ANKHD1: variants seen among roughly 807,000 people sequenced by gnomAD.
ANKHD1 encodes the protein ankyrin repeat and KH domain containing 1.
A neutral mutation model predicts 230.5 loss-of-function variants in ANKHD1; 31 were observed. That is an observed-to-expected ratio of 0.13 (90% CI 0.10 to 0.18). The LOEUF (loss-of-function observed/expected upper bound fraction) is 0.18, where lower values mean the gene tolerates loss of function less well. Ranked by LOEUF, ANKHD1 falls within the 10% of genes least tolerant of loss-of-function variation. ANKHD1 has a pLI of 1.00. For synonymous variants in ANKHD1, 1,074 were observed against 1,117.6 expected (o/e 0.96, Z 0.78); for missense variants, 2,256 against 3,071.3 (o/e 0.73, Z 6.27).
rs565638497 is a variant in ANKHD1 at position 140,451,991 on chromosome 5, T to C, written c.1242+2686T>C. Among the ~76,000 whole-genome samples the C allele has an allele frequency of 4.6e-5, 7 of 152,258 alleles. No individual in the cohort carries two copies. In the East Asian group the frequency reaches 1.4e-3, roughly 29 times the overall value. On this transcript the variant is annotated intron_variant, in intron 7 of 33. Transcript: ENST00000360839. ...GATGGCCAAATAGGAACAGCTCCAG[T>C]CTACAGCTCCCAGCATGAGCGACGC...
intron 20 of ANKHD1, among the ~76,000 whole-genome samples, chr5:140,508,918 C>T (rs1250227141): frequency 2.0e-5 from 3 of 151,984 alleles, no homozygotes; most frequent in South Asian, 2.1e-4. Context: ...TCTGGAAAGA[C>T]GTAGGTTGGG....
chr5:140,444,087 CCCCT>C (rs1264235705), intron 5 of ANKHD1, among the ~76,000 whole-genome samples: 1 of 145,414 alleles, frequency 6.9e-6, no homozygotes, highest in Non-Finnish European at 1.5e-5. Context: ...AGTCCCCCCC[CCCCT>C]TTTTTTTTTT....
intron 1 of ANKHD1, among the ~76,000 whole-genome samples, chr5:140,420,270 A>G (rs532858733): frequency 2.6e-5 from 4 of 151,878 alleles, no homozygotes; most frequent in African/African-American, 9.7e-5. Flanking sequence ...GATTATATGC[A>G]TGAGCCACCA....
At chr5:140,467,972 C>G (rs972360977) in intron 10 of ANKHD1, among the ~76,000 whole-genome samples, 2 of 151,362 alleles carry the variant, frequency 1.3e-5, no homozygotes, top group African/African-American at 4.9e-5. Flanking sequence ...TGTCCATCCC[C>G]CATTGCATGC....
intron 9 of ANKHD1, among the ~76,000 whole-genome samples, chr5:140,460,043 A>G (rs1335036891): frequency 2.0e-5 from 3 of 152,090 alleles, no homozygotes; most frequent in Non-Finnish European, 4.4e-5. Context: ...GTTAGTTTCT[A>G]CTAGTCTCTG....
intron 15 of ANKHD1, among the ~76,000 whole-genome samples, chr5:140,498,774 C>T (rs1752147454): frequency 1.3e-5 from 2 of 151,602 alleles, no homozygotes; most frequent in Admixed American, 6.6e-5. Flanking sequence ...TGTTCTGTAA[C>T]TAGCATTATA....
chr5:140,442,582 A>G lies in ANKHD1; in HGVS notation c.913+1440A>G, dbSNP rs562197397. 4.6e-5 allele frequency among the ~76,000 whole-genome samples: 7 copies of G among 152,314 alleles called. No individual in the cohort carries two copies. The South Asian group carries it at 1.2e-3, about 27-fold the overall frequency. On this transcript the variant is annotated intron_variant, in intron 5 of 33. Coordinates refer to ENST00000360839, the MANE Select transcript of ANKHD1 (RefSeq NM_017747.3). The stretch of plus-strand genomic sequence containing the variant: ...CCCTTGAAAGTGGCTCCCTGTATTA[A>G]TTAAATACAGAAAATATCTCTTATA...
intron 10 of ANKHD1, among the ~76,000 whole-genome samples, chr5:140,480,435 C>A (rs1029396778): frequency 8.6e-5 from 13 of 151,986 alleles, no homozygotes; most frequent in African/African-American, 2.7e-4. Flanking sequence ...GCTTTGAAAT[C>A]ATTTTTCATG....
intron 1 of ANKHD1, 55 bp from the exon 2 acceptor site, chr5:140,436,049 T>C: frequency 2.9e-6 from 4 of 1,396,606 alleles, no homozygotes; most frequent in Non-Finnish European, 2.8e-6. Context: ...ATTGTAGTTA[T>C]TCTAATCATA....
chr5:140,460,244 G>C (rs1775606726), intron 9 of ANKHD1, among the ~76,000 whole-genome samples: 1 of 151,658 alleles, frequency 6.6e-6, no homozygotes, highest in Non-Finnish European at 1.5e-5. Flanking sequence ...CTTTTACATA[G>C]AATATTTGTA....
rs1435645914 is a variant in ANKHD1 at position 140,535,501 on chromosome 5, T to C, written c.6990T>C (p.His2330=). 1.2e-6 allele frequency: 2 copies of C among 1,611,878 alleles called. No homozygotes were observed. The highest frequency in any genetic ancestry group is 3.4e-5 in the Admixed American group (2 of 59,406). The change falls in exon 30 of 34, where the codon CAT becomes CAC. Residue 2330 remains histidine (H), a synonymous_variant. Coordinates refer to ENST00000360839, the MANE Select transcript of ANKHD1 (RefSeq NM_017747.3). ...PVGTPSFNRQ[H]FSPHPWTSAS... ...GGACTCCTAGTTTCAACAGACAACATTTTTCTCCCCATCCTTGGACAAGCG... is the reference window on the plus strand; with the variant it reads ...GGACTCCTAGTTTCAACAGACAACACTTTTCTCCCCATCCTTGGACAAGCG...
intron 29 of ANKHD1, among the ~76,000 whole-genome samples, chr5:140,532,316 T>G (rs1753865542): frequency 6.6e-6 from 1 of 152,176 alleles, no homozygotes; most frequent in Non-Finnish European, 1.5e-5. Context: ...ATTTATTTTA[T>G]GATTCCATTT....
chr5:140,525,884 G>A, intron 25 of ANKHD1, 112 bp from the exon 26 acceptor site: 1 of 1,313,684 alleles, frequency 7.6e-7, no homozygotes, highest in East Asian at 2.7e-5. Context: ...ACTGGTGAAA[G>A]GAAAATATGA....
At chr5:140,414,137 A>G (rs1771163148) in intron 1 of ANKHD1, among the ~76,000 whole-genome samples, 1 of 152,156 alleles carries the variant, frequency 6.6e-6, no homozygotes, top group African/African-American at 2.4e-5. Context: ...GCTATTATGA[A>G]TAATGCTGTT....
At chr5:140,459,690 AT>A (rs1775563693) in intron 9 of ANKHD1, among the ~76,000 whole-genome samples, 1 of 152,182 alleles carries the variant, frequency 6.6e-6, no homozygotes, top group African/African-American at 2.4e-5. Context: ...GCTTGATCTA[AT>A]CATTCCACAA....
intron 24 of ANKHD1, among the ~76,000 whole-genome samples, chr5:140,519,023 A>G (rs1169353197): frequency 6.6e-6 from 1 of 152,196 alleles, no homozygotes; most frequent in Non-Finnish European, 1.5e-5. Context: ...ACATGATTGT[A>G]TATCTAGAAA....
rs563865395 is a variant in ANKHD1, at chr5:140,454,976, A to G, written c.1243-3649A>G. Among the ~76,000 whole-genome samples, 6 of 83,418 alleles carry G rather than the reference A, an allele frequency of 7.2e-5. No homozygotes were observed. In the South Asian group the frequency reaches 3.0e-3, roughly 41 times the overall value. 54.7% of individuals were successfully genotyped at this position (83,418 alleles called of 152,430 possible). ...AAGTTGGTAGACTTCTAGCAAGACTAATAAAGAAGAAGAGAGAAGAATCAA... is the reference window on the plus strand; with the variant it reads ...AAGTTGGTAGACTTCTAGCAAGACTGATAAAGAAGAAGAGAGAAGAATCAA... On this transcript the variant is annotated intron_variant, in intron 7 of 33. Coordinates refer to ENST00000360839, the MANE Select transcript of ANKHD1 (RefSeq NM_017747.3).
intron 3 of ANKHD1, 86 bp from the exon 4 acceptor site, chr5:140,440,033 G>C: frequency 7.4e-7 from 1 of 1,352,646 alleles, no homozygotes; most frequent in Non-Finnish European, 9.6e-7. Flanking sequence ...ATTTTTCTTT[G>C]TGTGACTATT....
rs780842048 is a variant in ANKHD1, at chr5:140,504,875, G to A, written c.3059G>A (p.Cys1020Tyr). 1.2e-6 allele frequency: 2 copies of A among 1,614,158 alleles called. No homozygotes were observed. The highest frequency in any genetic ancestry group is 2.2e-5 in the East Asian group (1 of 44,878). The part of the protein sequence containing the change: ...GSNSSSQTTE[C>Y]LTPESCSQTT... The stretch of plus-strand genomic sequence containing the variant: ...AACAGTTCTTCTCAGACCACAGAGT[G>A]TCTTACACCTGAATCCTGTTCGCAG... Residue 1020 changes from cysteine (C) to tyrosine (Y), a missense_variant, in exon 16 of 34, where the codon TGT becomes TAT. Transcript: ENST00000360839.
Sources: allele counts gnomAD v4.1 joint callset (sites outside exome capture counted in the v4.1 genomes callset), GRCh38; gene constraint gnomAD v4.1.1; transcripts MANE v1.5; gene names NCBI Gene and HGNC (gene_info 2026-07-23, HGNC 2026-07-21).